The following RBFOX1 variants were observed in gnomAD, a reference collection of about 807,000 sequenced individuals.
RBFOX1 encodes RNA binding protein fox-1 homolog 1.
RBFOX1 carries 8 observed loss-of-function variants against 57.7 expected under a neutral mutation model. That is an observed-to-expected ratio of 0.14 (90% CI 0.08 to 0.25). The LOEUF is 0.25. Ranked by LOEUF, RBFOX1 falls within the 10% of genes least tolerant of loss-of-function variation. The pLI, the probability that RBFOX1 is intolerant of heterozygous loss-of-function variation, is 1.00. For missense variants in RBFOX1, 611 were observed against 548.5 expected (o/e 1.11, Z -1.14); for synonymous variants, 326 against 222.4 (o/e 1.47, Z -4.15).
intron 3 of RBFOX1, among the ~76,000 whole-genome samples, chr16:6,965,274 A>G (rs927102797): frequency 3.3e-5 from 5 of 151,838 alleles, no homozygotes; most frequent in Non-Finnish European, 7.4e-5. Context: ...TCAGGACTAG[A>G]ATGACCAAAC....
intron 2 of RBFOX1, among the ~76,000 whole-genome samples, chr16:6,455,049 A>ATT (rs34643206): frequency 4.2e-5 from 6 of 142,504 alleles, no homozygotes; most frequent in East Asian, 4.1e-4. Context: ...TGCCTGGCTA[A>ATT]TTTTTTTTTT....
In RBFOX1 at chr16:6,556,563, A is replaced by G. The variant is rs185708426; in HGVS notation, c.-63-98040A>G. Among the ~76,000 whole-genome samples the G allele has an allele frequency of 4.6e-5, 7 of 152,344 alleles. 1 individual carries two copies. The East Asian group carries it at 1.4e-3, about 29-fold the overall frequency. On this transcript the variant is annotated intron_variant, in intron 2 of 15. Coordinates refer to ENST00000550418, the MANE Select transcript of RBFOX1 (RefSeq NM_018723.4). ...GAATCAGCCATTCACTGGGTATTCCATTATGAGACATTCTTGTCATTTTCC... is the reference window on the plus strand; with the variant it reads ...GAATCAGCCATTCACTGGGTATTCCGTTATGAGACATTCTTGTCATTTTCC...
At chr16:7,535,701 C>T (rs187517706) in intron 5 of RBFOX1, among the ~76,000 whole-genome samples, 2 of 152,334 alleles carry the variant, frequency 1.3e-5, no homozygotes, top group East Asian at 3.9e-4. Context: ...AAAATACTTA[C>T]TGAACTCCTA....
intron 10 of RBFOX1, among the ~76,000 whole-genome samples, chr16:7,618,919 A>T (rs1452983271): frequency 6.6e-6 from 1 of 152,232 alleles, no homozygotes; most frequent in Non-Finnish European, 1.5e-5. Context: ...TAATAAAGCC[A>T]GTGGAAAATG....
intron 3 of RBFOX1, among the ~76,000 whole-genome samples, chr16:5,773,641 C>G (rs960207855): frequency 6.6e-6 from 1 of 152,162 alleles, no homozygotes; most frequent in Admixed American, 6.5e-5. Context: ...TGAGCAAGAA[C>G]GTGCATGGGA....
At chr16:6,533,809 C>G (rs56359284) in intron 2 of RBFOX1, among the ~76,000 whole-genome samples, 2,603 of 152,274 alleles carry the variant, frequency 0.017, 41 homozygotes, top group Non-Finnish European at 0.027. Context: ...CCTTTGAAAA[C>G]TGAGCATGGT....
intron 1 of RBFOX1, among the ~76,000 whole-genome samples, chr16:5,292,234 G>A (rs2063552446): frequency 1.3e-5 from 2 of 152,204 alleles, no homozygotes; most frequent in African/African-American, 4.8e-5. Flanking sequence ...GCCTGCGGCT[G>A]CAGGAGGTTG....
chr16:5,991,971 C>G (rs564386683), intron 4 of RBFOX1, among the ~76,000 whole-genome samples: 1 of 152,262 alleles, frequency 6.6e-6, no homozygotes, highest in South Asian at 2.1e-4. Flanking sequence ...TATGCACACA[C>G]AGGCTAGAGA....
At chr16:6,836,005 G>T (rs549005506) in intron 3 of RBFOX1, among the ~76,000 whole-genome samples, 1 of 152,198 alleles carries the variant, frequency 6.6e-6, no homozygotes, top group Non-Finnish European at 1.5e-5. Context: ...TGCAGAAGAA[G>T]CTCAGAAATA....
intron 3 of RBFOX1, among the ~76,000 whole-genome samples, chr16:5,666,059 C>G (rs1458510570): frequency 6.6e-6 from 1 of 152,236 alleles, no homozygotes; most frequent in African/African-American, 2.4e-5. Context: ...GACATGTCAG[C>G]TTCTCCACGT....
chr16:7,504,283 C>A (rs1047860506), intron 4 of RBFOX1, among the ~76,000 whole-genome samples: 1 of 151,920 alleles, frequency 6.6e-6, no homozygotes, highest in Non-Finnish European at 1.5e-5. Flanking sequence ...AGGGCAGTGG[C>A]AAGCATGTGG....
At chr16:5,930,126 C>G (rs2059018608) in intron 4 of RBFOX1, among the ~76,000 whole-genome samples, 3 of 151,172 alleles carry the variant, frequency 2.0e-5, no homozygotes, top group Admixed American at 2.0e-4. Flanking sequence ...AGACAGGGTG[C>G]CTCCAGGGGC....
At chr16:5,703,737 A>G (rs530055601) in intron 3 of RBFOX1, among the ~76,000 whole-genome samples, 2 of 152,162 alleles carry the variant, frequency 1.3e-5, no homozygotes, top group East Asian at 1.9e-4. Flanking sequence ...CAAGTGTCAA[A>G]TGTGTGTGTA....
At chr16:6,968,225 C>T (rs1408586889) in intron 3 of RBFOX1, among the ~76,000 whole-genome samples, 2 of 152,212 alleles carry the variant, frequency 1.3e-5, no homozygotes, top group Non-Finnish European at 2.9e-5. Context: ...AGGCTTTTCT[C>T]TGGTTGGTGC....
rs78777128 is a variant in RBFOX1 at position 5,447,715 on chromosome 16, C to T, written c.220-19501C>T. On this transcript the variant is annotated intron_variant, in intron 1 of 2. Transcript: ENST00000585867. ...CCGGCTGCCATTCTCTCTTTCTAGA[C>T]TGTGTGGCCTCTCATCAGCTTCTCT... Among the ~76,000 whole-genome samples the T allele has an allele frequency of 3.2e-3, 483 of 152,340 alleles. 10 individuals are homozygous for T. The highest frequency in any genetic ancestry group is 0.025 in the Admixed American group (381 of 15,306).
At chr16:6,865,253 T>C (rs907726324) in intron 3 of RBFOX1, among the ~76,000 whole-genome samples, 1 of 152,068 alleles carries the variant, frequency 6.6e-6, no homozygotes, top group Non-Finnish European at 1.5e-5. Flanking sequence ...TCCACCCGCC[T>C]TGGCCTCCCA....
At chr16:5,784,475 G>C (rs1339744380) in intron 3 of RBFOX1, among the ~76,000 whole-genome samples, 1 of 152,020 alleles carries the variant, frequency 6.6e-6, no homozygotes, top group Admixed American at 6.6e-5. Context: ...GCCAGAGCAG[G>C]AGCAGCAGAG....
At chr16:5,594,040 C>A (rs2047100360) in intron 2 of RBFOX1, among the ~76,000 whole-genome samples, 1 of 152,032 alleles carries the variant, frequency 6.6e-6, no homozygotes, top group African/African-American at 2.4e-5. Context: ...CAGCCATGGC[C>A]TTGGCTTGGA....
intron 3 of RBFOX1, among the ~76,000 whole-genome samples, chr16:6,928,694 A>C (rs1294548293): frequency 2.0e-5 from 3 of 152,218 alleles, no homozygotes; most frequent in South Asian, 2.1e-4. Flanking sequence ...CTGTGAGGTC[A>C]GAGTGGTAAG....
Sources: allele counts gnomAD v4.1 joint callset (sites outside exome capture counted in the v4.1 genomes callset), GRCh38; gene constraint gnomAD v4.1.1; transcripts MANE v1.5; gene names NCBI Gene and HGNC (gene_info 2026-07-23, HGNC 2026-07-21).